Variants in DCC observed in about 807,000 individuals in gnomAD.
The protein encoded by DCC is netrin receptor DCC.
DCC carries 58 observed loss-of-function variants against 172.5 expected under a neutral mutation model. The ratio of observed to expected loss-of-function variants is 0.34; its 90% confidence interval spans 0.27 to 0.42. The LOEUF is 0.42. Ranked by LOEUF, DCC falls within the 10% of genes least tolerant of loss-of-function variation. The pLI is 1.00. For synonymous variants in DCC, 709 were observed against 644.5 expected (o/e 1.10, Z -1.52); for missense variants, 1,740 against 1,791.0 (o/e 0.97, Z 0.51).
intron 1 of DCC, among the ~76,000 whole-genome samples, chr18:52,417,940 A>G (rs1186270842): frequency 2.0e-5 from 3 of 152,212 alleles, no homozygotes; most frequent in Non-Finnish European, 4.4e-5. Context: ...TGCGAGAAGA[A>G]GCAGCAGGAC....
At chr18:52,688,853 T>C (rs1456517177) in intron 1 of DCC, among the ~76,000 whole-genome samples, 2 of 152,142 alleles carry the variant, frequency 1.3e-5, no homozygotes, top group African/African-American at 2.4e-5. Flanking sequence ...TAAAAAGATA[T>C]GGATATTTAA....
intron 5 of DCC, among the ~76,000 whole-genome samples, chr18:52,935,303 A>C (rs540055719): frequency 6.6e-6 from 1 of 152,156 alleles, no homozygotes; most frequent in South Asian, 2.1e-4. Context: ...TCATCCCTTT[A>C]TTTAATAATT....
intron 5 of DCC, among the ~76,000 whole-genome samples, chr18:53,053,872 G>A (rs1429362629): frequency 2.0e-5 from 3 of 152,050 alleles, no homozygotes; most frequent in South Asian, 2.1e-4. Flanking sequence ...CAGAAAATTC[G>A]ACAAAGAAAG....
intron 1 of DCC, among the ~76,000 whole-genome samples, chr18:52,515,606 C>CAAAAA (rs58112743): frequency 0.011 from 117 of 10,324 alleles, 26 homozygotes; most frequent in Admixed American, 0.02. Flanking sequence ...AACCCTGTCT[C>CAAAAA]AAAAAAAAAA....
chr18:52,642,077 T>C (rs941193787), intron 1 of DCC, among the ~76,000 whole-genome samples: 49,683 of 121,130 alleles, frequency 0.41, 10,449 homozygotes, highest in East Asian at 0.57. Context: ...TATATATATA[T>C]ATACACACAC....
chr18:52,919,813 A>G (rs1468067701), intron 3 of DCC, among the ~76,000 whole-genome samples: 2 of 152,134 alleles, frequency 1.3e-5, no homozygotes, highest in Admixed American at 6.6e-5. Flanking sequence ...CAAAGGATGG[A>G]CACCACCTGA....
intron 20 of DCC, among the ~76,000 whole-genome samples, chr18:53,415,298 A>G (rs911713433): frequency 3.3e-5 from 5 of 152,146 alleles, no homozygotes; most frequent in Admixed American, 1.3e-4. Flanking sequence ...ATCAAGTTTG[A>G]ATGGAATCAA....
intron 15 of DCC, among the ~76,000 whole-genome samples, chr18:53,369,974 G>C (rs1024165093): frequency 6.6e-6 from 1 of 151,696 alleles, no homozygotes; most frequent in Admixed American, 6.6e-5. Context: ...TGGCCTCATA[G>C]AATGAGTTAG....
chr18:53,466,621 G>T (rs1294881372), intron 24 of DCC, among the ~76,000 whole-genome samples: 1 of 152,130 alleles, frequency 6.6e-6, no homozygotes, highest in South Asian at 2.1e-4. Context: ...CGCCTCCTGG[G>T]TTCAAGCGAT....
rs577502726 is a variant in DCC, at chr18:53,314,475, G to A, written c.2054-7572G>A. Among the ~76,000 whole-genome samples the A allele has an allele frequency of 2.0e-5, 3 of 152,268 alleles. No homozygotes were observed. In the South Asian group the frequency reaches 6.2e-4, roughly 32 times the overall value. Reference sequence around the variant, plus strand: ...ATCAGATTCAGTGCAACCTAAGGAAGAACTTTTCTAAAAAGCAAAACTTGA... The same window carrying A: ...ATCAGATTCAGTGCAACCTAAGGAAAAACTTTTCTAAAAAGCAAAACTTGA... On this transcript the variant is annotated intron_variant, in intron 13 of 28. Coordinates refer to ENST00000442544, the MANE Select transcript of DCC (RefSeq NM_005215.4).
At chr18:53,225,467 A>G (rs190107916) in intron 12 of DCC, among the ~76,000 whole-genome samples, 3 of 152,328 alleles carry the variant, frequency 2.0e-5, no homozygotes, top group Non-Finnish European at 2.9e-5. Context: ...AAGAACACAC[A>G]GGATCCAGTA....
chr18:52,815,886 CAG>C (rs1434985685), intron 2 of DCC, among the ~76,000 whole-genome samples: 2 of 152,148 alleles, frequency 1.3e-5, no homozygotes, highest in African/African-American at 4.8e-5. Flanking sequence ...CATGGAATGA[CAG>C]AATGTGTCCA....
intron 2 of DCC, among the ~76,000 whole-genome samples, chr18:52,784,337 C>A (rs965757555): frequency 2.0e-5 from 3 of 151,988 alleles, no homozygotes; most frequent in Non-Finnish European, 4.4e-5. Flanking sequence ...ACTTAGATTC[C>A]TATCTTGGCT....
intron 1 of DCC, among the ~76,000 whole-genome samples, chr18:52,641,915 T>C (rs1392567013): frequency 1.3e-5 from 2 of 151,470 alleles, no homozygotes; most frequent in African/African-American, 4.9e-5. Context: ...TACTTAAACA[T>C]GCATGTTTAT....
intron 7 of DCC, among the ~76,000 whole-genome samples, chr18:53,126,744 T>A (rs892380809): frequency 2.0e-5 from 3 of 152,176 alleles, no homozygotes; most frequent in Admixed American, 1.3e-4. Context: ...AGAATCCAGA[T>A]GCTCAGGTCA....
chr18:52,676,938 C>T (rs1326687290), intron 1 of DCC, among the ~76,000 whole-genome samples: 2 of 152,130 alleles, frequency 1.3e-5, no homozygotes, highest in East Asian at 3.9e-4. Context: ...TAGCAAATGC[C>T]TTAAGGATAG....
chr18:53,262,900 A>G (rs2056622738), intron 12 of DCC, among the ~76,000 whole-genome samples: 2 of 152,200 alleles, frequency 1.3e-5, no homozygotes, highest in African/African-American at 4.8e-5. Flanking sequence ...AGAGTTGTTC[A>G]TTTGGAATGA....
intron 5 of DCC, among the ~76,000 whole-genome samples, chr18:53,034,757 T>C (rs555833254): frequency 3.3e-5 from 5 of 152,062 alleles, no homozygotes; most frequent in African/African-American, 1.2e-4. Flanking sequence ...CTGGAAATAG[T>C]CCATAAGGCC....
chr18:53,415,033 G>A (rs543105668), intron 20 of DCC, among the ~76,000 whole-genome samples: 3 of 152,202 alleles, frequency 2.0e-5, no homozygotes, highest in East Asian at 3.9e-4. Context: ...AGGGGCTTTC[G>A]TTAACAGAAT....
Sources: gnomAD v4.1 joint callset for allele counts (sites outside exome capture counted in the v4.1 genomes callset) on GRCh38, gnomAD v4.1.1 for gene constraint, MANE v1.5 for transcripts, NCBI Gene and HGNC (gene_info 2026-07-23, HGNC 2026-07-21) for gene names.